The following XKR9 variants were observed in gnomAD, a reference collection of about 807,000 sequenced individuals.
XKR9 encodes XK-related protein 9.
XKR9 carries 32 observed loss-of-function variants against 32.0 expected under a neutral mutation model. The observed-to-expected ratio is 1.00, with a 90% CI of 0.76 to 1.34. The LOEUF (loss-of-function observed/expected upper bound fraction) is 1.34. Ranked by LOEUF, XKR9 falls within the 40% of genes most tolerant of loss-of-function variation. XKR9 has a pLI of 0.00. For missense variants in XKR9, 546 were observed against 429.7 expected (o/e 1.27, Z -2.39); for synonymous variants, 168 against 143.4 (o/e 1.17, Z -1.22).
chr8:70,777,563 A>G (rs1327216823), intron 2 of XKR9, among the ~76,000 whole-genome samples: 1 of 151,842 alleles, frequency 6.6e-6, no homozygotes, highest in African/African-American at 2.4e-5. Flanking sequence ...ACTAATTTAC[A>G]CTCCCACCAA....
chr8:70,917,777 G>C, the XKR9 span, among the ~76,000 whole-genome samples: 1 of 152,176 alleles, frequency 6.6e-6, no homozygotes, highest in Non-Finnish European at 1.5e-5. Flanking sequence ...CACTTTTATA[G>C]ATTATTAAAT....
chr8:70,832,847 C>T, the XKR9 span, among the ~76,000 whole-genome samples: 1,513 of 152,250 alleles, frequency 9.9e-3, 22 homozygotes, highest in African/African-American at 0.034. Flanking sequence ...GTTTACTGTT[C>T]GCCTTCTCCA....
chr8:70,767,551 T>C (rs575084486), intron 2 of XKR9, among the ~76,000 whole-genome samples: 1 of 139,992 alleles, frequency 7.1e-6, no homozygotes, highest in East Asian at 2.1e-4. Context: ...CAGACTGGAG[T>C]GCAGTGGTAT....
the XKR9 span, among the ~76,000 whole-genome samples, chr8:71,015,838 C>G: frequency 6.6e-6 from 1 of 151,770 alleles, no homozygotes; most frequent in South Asian, 2.1e-4. Context: ...TCTTTGTAGA[C>G]AGGAACTGTC....
intron 4 of XKR9, among the ~76,000 whole-genome samples, chr8:70,719,316 C>G (rs561440436): frequency 6.6e-6 from 1 of 152,122 alleles, no homozygotes; most frequent in East Asian, 1.9e-4. Flanking sequence ...TAATTAGATC[C>G]CATTTGTCAA....
intron 3 of XKR9, among the ~76,000 whole-genome samples, chr8:70,693,073 CG>C (rs1385164309): frequency 1.3e-5 from 2 of 152,102 alleles, no homozygotes; most frequent in Non-Finnish European, 2.9e-5. Context: ...CCTTGCATCC[CG>C]GGGCGAAACC....
the XKR9 span, among the ~76,000 whole-genome samples, chr8:70,941,571 A>G: frequency 6.6e-6 from 1 of 152,210 alleles, no homozygotes; most frequent in South Asian, 2.1e-4. Context: ...CTGGATTGGG[A>G]GGTGTGGCTA....
chr8:70,990,270 T>G, the XKR9 span, among the ~76,000 whole-genome samples: 1 of 152,196 alleles, frequency 6.6e-6, no homozygotes, highest in Non-Finnish European at 1.5e-5. Context: ...CTCTCCTTTA[T>G]AAATATCTTC....
At position 70,720,047 on chromosome 8, in the gene XKR9, T is replaced by C. The variant is rs1254247996; in HGVS notation, c.493+12894T>C. 2.0e-5 allele frequency among the ~76,000 whole-genome samples: 3 copies of C among 152,198 alleles called. No homozygotes were observed. In the East Asian group the frequency reaches 5.8e-4, roughly 29 times the overall value. On this transcript the variant is annotated intron_variant, in intron 4 of 4. Coordinates refer to ENST00000408926, the MANE Select transcript of XKR9 (RefSeq NM_001011720.2). ...GTAAATTGTATTCCTAGGCATTTTA[T>C]TCTCTTTGTAGCAATTGTGAATGGT...
chr8:70,892,624 G>A, the XKR9 span, among the ~76,000 whole-genome samples: 9 of 151,962 alleles, frequency 5.9e-5, no homozygotes, highest in Admixed American at 1.3e-4. Flanking sequence ...ATTCTTTCTC[G>A]GCAATAGTTT....
chr8:70,702,768 CCTT>C (rs1805583848), intron 3 of XKR9, among the ~76,000 whole-genome samples: 1 of 152,094 alleles, frequency 6.6e-6, no homozygotes, highest in African/African-American at 2.4e-5. Flanking sequence ...TTGGTGATTT[CCTT>C]TCAAACTATC....
chr8:70,687,188 A>G (rs1415290546), intron 3 of XKR9, among the ~76,000 whole-genome samples: 1 of 152,142 alleles, frequency 6.6e-6, no homozygotes, highest in Non-Finnish European at 1.5e-5. Context: ...GCTCCAATGT[A>G]TGAGTGAGAA....
At chr8:70,684,994 G>A (rs1323127909) in intron 3 of XKR9, among the ~76,000 whole-genome samples, 7 of 145,582 alleles carry the variant, frequency 4.8e-5, no homozygotes, top group Non-Finnish European at 9.1e-5. Flanking sequence ...CCCATTACTG[G>A]GTATATACCC....
the XKR9 span, among the ~76,000 whole-genome samples, chr8:70,841,910 G>A: frequency 6.6e-6 from 1 of 152,080 alleles, no homozygotes; most frequent in African/African-American, 2.4e-5. Flanking sequence ...TATTTTGTGT[G>A]GAAATACTTT....
At chr8:70,984,524 T>G in the XKR9 span, among the ~76,000 whole-genome samples, 6 of 152,222 alleles carry the variant, frequency 3.9e-5, no homozygotes, top group Non-Finnish European at 7.3e-5. Flanking sequence ...TATTTGACTC[T>G]AAGCAGTTTC....
At position 70,735,861 on chromosome 8, in the gene XKR9, T is replaced by A. The variant is rs867879968; in HGVS notation, c.*1437T>A. 2.0e-5 allele frequency: 3 copies of A among 151,992 alleles called. No homozygotes were observed. The highest frequency in any genetic ancestry group is 1.9e-4 in the East Asian group (1 of 5,178). 9.4% of individuals were successfully genotyped at this position (151,992 alleles called of 1,614,324 possible). A position where few individuals can be genotyped will look rare whatever the true frequency, so the allele number is the denominator to read the frequency against. ...GCCACATTTTCTTAATCCAGTCTAT[T>A]GTTGTTGGACATTTGGGTTGGTTCC... On this transcript the variant is annotated 3_prime_UTR_variant, in exon 5 of 5. Transcript: ENST00000408926.
chr8:70,836,310 AT>A, the XKR9 span, among the ~76,000 whole-genome samples: 1 of 152,038 alleles, frequency 6.6e-6, no homozygotes, highest in Non-Finnish European at 1.5e-5. Flanking sequence ...CTTCCAAAAT[AT>A]GGAGCATTAC....
At chr8:70,898,430 A>G in the XKR9 span, among the ~76,000 whole-genome samples, 2 of 151,968 alleles carry the variant, frequency 1.3e-5, no homozygotes, top group East Asian at 3.9e-4. Flanking sequence ...ACATTTTAGG[A>G]TTGATTTTTT....
chr8:70,882,363 AAG>A, the XKR9 span, among the ~76,000 whole-genome samples: 25 of 150,880 alleles, frequency 1.7e-4, no homozygotes, highest in African/African-American at 6.1e-4. Flanking sequence ...GGCACAAAAT[AAG>A]AGAGAAATTT....
Sources: allele counts gnomAD v4.1 joint callset (sites outside exome capture counted in the v4.1 genomes callset), GRCh38; gene constraint gnomAD v4.1.1; transcripts MANE v1.5; gene names NCBI Gene and HGNC (gene_info 2026-07-23, HGNC 2026-07-21).